Variants in CRYBG3 observed in about 807,000 individuals in gnomAD.
CRYBG3 encodes crystallin beta-gamma domain containing 3, also known as very large A-kinase anchor protein.
In CRYBG3, 127 loss-of-function variants were observed where a neutral mutation model predicts 244.2. The ratio of observed to expected loss-of-function variants is 0.52; its 90% confidence interval spans 0.45 to 0.60. The LOEUF (loss-of-function observed/expected upper bound fraction) is 0.60, where lower values mean the gene tolerates loss of function less well. CRYBG3 is among the 20% of genes least tolerant of loss of function. The pLI is 0.00. For synonymous variants in CRYBG3, 1,132 were observed against 1,195.8 expected (o/e 0.95, Z 1.10); for missense variants, 3,325 against 3,442.5 (o/e 0.97, Z 0.85).
chr3:97,910,611 G>A (rs1187745837), intron 15 of CRYBG3, among the ~76,000 whole-genome samples: 5 of 152,154 alleles, frequency 3.3e-5, no homozygotes, highest in African/African-American at 7.2e-5. Context: ...TTCGGTTCGC[G>A]CACGGTGCAC....
chr3:97,937,285 T>A (rs1234653552), intron 19 of CRYBG3, among the ~76,000 whole-genome samples: 1 of 152,096 alleles, frequency 6.6e-6, no homozygotes, highest in African/African-American at 2.4e-5. Flanking sequence ...GGCAATTTAA[T>A]TAAAATAAGT....
At chr3:97,833,408 T>C (rs951804448) in intron 1 of CRYBG3, among the ~76,000 whole-genome samples, 3 of 152,186 alleles carry the variant, frequency 2.0e-5, no homozygotes, top group Non-Finnish European at 4.4e-5. Context: ...TCATGTTCTT[T>C]GCAGGGACAT....
At chr3:97,938,237 G>A (rs1428772381) in intron 19 of CRYBG3, among the ~76,000 whole-genome samples, 1 of 151,992 alleles carries the variant, frequency 6.6e-6, no homozygotes, top group Non-Finnish European at 1.5e-5. Context: ...TGGGGATAAT[G>A]ATTCCTACCT....
At chr3:97,897,914 C>A (rs145637504) in intron 12 of CRYBG3, among the ~76,000 whole-genome samples, 2 of 152,132 alleles carry the variant, frequency 1.3e-5, no homozygotes, top group Non-Finnish European at 2.9e-5. Flanking sequence ...ACTTTTAGAT[C>A]TTTCTTTAAG....
chr3:97,918,894 A>G (rs1430291793), intron 17 of CRYBG3, among the ~76,000 whole-genome samples: 2 of 152,186 alleles, frequency 1.3e-5, no homozygotes, highest in African/African-American at 4.8e-5. Context: ...CATTTTGCCT[A>G]TGCACACATC....
In CRYBG3 at chr3:97,932,114, C is replaced by T. The variant is rs77517813; in HGVS notation, c.8242-1580C>T. Among the ~76,000 whole-genome samples the T allele has an allele frequency of 3.7e-3, 556 of 152,162 alleles. 22 individuals are homozygous for T. In the East Asian group the frequency reaches 0.055, roughly 15 times the overall value. Reference sequence around the variant, plus strand: ...CTTGTGCACTTGTGCCCTTTATCTTCTCTTACACAGTCTTCCCAACAGGCA... The same window carrying T: ...CTTGTGCACTTGTGCCCTTTATCTTTTCTTACACAGTCTTCCCAACAGGCA... On this transcript the variant is annotated intron_variant, in intron 17 of 21. Transcript: ENST00000389622.
At chr3:97,831,870 C>A (rs1011968470) in intron 1 of CRYBG3, among the ~76,000 whole-genome samples, 4 of 151,132 alleles carry the variant, frequency 2.6e-5, no homozygotes, top group African/African-American at 9.7e-5. Context: ...TATTCTTCGT[C>A]TTTTTTTTTA....
intron 2 of CRYBG3, among the ~76,000 whole-genome samples, chr3:97,861,626 C>T (rs2039150088): frequency 6.6e-6 from 1 of 152,022 alleles, no homozygotes; most frequent in Non-Finnish European, 1.5e-5. Flanking sequence ...ACACATAATA[C>T]CAAAATCTTG....
chr3:97,846,592 G>A (rs1355210031), intron 2 of CRYBG3, among the ~76,000 whole-genome samples: 1 of 152,080 alleles, frequency 6.6e-6, no homozygotes, highest in East Asian at 1.9e-4. Context: ...AAAGTAGGGA[G>A]GATTGTCTTA....
At chr3:97,933,547 C>A (rs765896802) in intron 17 of CRYBG3, 147 bp from the exon 18 acceptor site, 3 of 805,680 alleles carry the variant, frequency 3.7e-6, no homozygotes, top group South Asian at 1.5e-5. Context: ...CTTTCCAGTG[C>A]AGTTTTGACT....
Position 97,942,367 on chromosome 3 carries a change from C to G in CRYBG3, c.8748C>G (p.Phe2916Leu). The G allele has an allele frequency of 6.2e-7, 1 of 1,611,958 alleles. No individual in the cohort carries two copies. The part of the protein sequence containing the change: ...KVALWTEHGQ[F>L]RQKWRLNKNG... ...CTCTATGGACTGAACATGGGCAATT[C>G]AGGCAGAAGTGGAGACTGAATAAAA... The change falls in exon 21 of 22, where the codon TTC (phenylalanine) becomes TTG (leucine). Residue 2916 changes from phenylalanine to leucine, a missense_variant. Coordinates refer to ENST00000389622, the MANE Select transcript of CRYBG3 (RefSeq NM_153605.4).
intron 2 of CRYBG3, among the ~76,000 whole-genome samples, chr3:97,855,716 A>G (rs1576523552): frequency 6.6e-6 from 1 of 152,140 alleles, no homozygotes; most frequent in South Asian, 2.1e-4. Flanking sequence ...AAGACATCAC[A>G]TGTCGGTAGG....
intron 17 of CRYBG3, among the ~76,000 whole-genome samples, chr3:97,929,590 T>C (rs1012054933): frequency 2.0e-5 from 3 of 151,888 alleles, no homozygotes; most frequent in Non-Finnish European, 4.4e-5. Flanking sequence ...TCAAAAACAG[T>C]AGATGTTCTC....
At chr3:97,919,033 A>G (rs571886484) in intron 17 of CRYBG3, among the ~76,000 whole-genome samples, 3 of 152,330 alleles carry the variant, frequency 2.0e-5, no homozygotes, top group Non-Finnish European at 2.9e-5. Context: ...CAATAATACA[A>G]TCTATCAGAG....
chr3:97,867,312 ACCTGTT>A (rs1368755540), intron 3 of CRYBG3: 8 of 152,224 alleles, frequency 5.3e-5, no homozygotes, highest in Non-Finnish European at 5.9e-5. Flanking sequence ...TTGGAAAGCA[ACCTGTT>A]ATGCTTTGAA....
At chr3:97,846,595 T>C (rs2108176536) in intron 2 of CRYBG3, among the ~76,000 whole-genome samples, 1 of 152,238 alleles carries the variant, frequency 6.6e-6, no homozygotes, top group South Asian at 2.1e-4. Context: ...GTAGGGAGGA[T>C]TGTCTTACTG....
intron 15 of CRYBG3, among the ~76,000 whole-genome samples, chr3:97,906,817 A>T (rs1444254080): frequency 3.3e-5 from 5 of 151,988 alleles, no homozygotes; most frequent in African/African-American, 4.8e-5. Flanking sequence ...CATCCCTGTC[A>T]TGTGCCAGTT....
chr3:97,937,561 C>T (rs192654022), intron 19 of CRYBG3, among the ~76,000 whole-genome samples: 296 of 152,170 alleles, frequency 1.9e-3, no homozygotes, highest in Non-Finnish European at 3.3e-3. Context: ...ATGCCTCCCC[C>T]ACCTTCTCTC....
chr3:97,874,992 C>A lies in CRYBG3; in HGVS notation c.3798C>A (p.Gly1266=). 1 of 1,535,872 alleles carries A rather than the reference C, an allele frequency of 6.5e-7. No individual in the cohort carries two copies. Among genetic ancestry groups the A allele is most frequent in the South Asian group, 1.2e-5 (1 of 84,014 alleles). ...IQQTEGLEEQ[G]MENMSEVKEK... ...AGACAGAGGGTTTGGAAGAGCAAGGCATGGAAAACATGTCAGAAGTCAAAG... is the reference window on the plus strand; with the variant it reads ...AGACAGAGGGTTTGGAAGAGCAAGGAATGGAAAACATGTCAGAAGTCAAAG... The change falls in exon 4 of 22, where the codon GGC becomes GGA. Residue 1266 remains glycine, a synonymous_variant. Transcript: ENST00000389622.
Sources: gnomAD v4.1 joint callset for allele counts (sites outside exome capture counted in the v4.1 genomes callset) on GRCh38, gnomAD v4.1.1 for gene constraint, MANE v1.5 for transcripts, NCBI Gene and HGNC (gene_info 2026-07-23, HGNC 2026-07-21) for gene names.